The following TBXAS1 variants were observed in gnomAD, a reference collection of about 807,000 sequenced individuals.
TBXAS1 encodes thromboxane-A synthase.
A neutral mutation model predicts 60.7 loss-of-function variants in TBXAS1; 48 were observed. That is an observed-to-expected ratio of 0.79 (90% CI 0.63 to 1.01). TBXAS1 has a LOEUF of 1.01. Among genes scored for constraint, TBXAS1 ranks in the 50% least tolerant of loss-of-function variants. TBXAS1 has a pLI of 0.00. For synonymous variants in TBXAS1, 287 were observed against 269.7 expected (o/e 1.06, Z -0.63); for missense variants, 685 against 686.3 (o/e 1.00, Z 0.02).
chr7:140,007,628 A>G (rs867752479), intron 10 of TBXAS1, among the ~76,000 whole-genome samples: 8 of 152,128 alleles, frequency 5.3e-5, no homozygotes, highest in Non-Finnish European at 4.4e-5. Context: ...ACAGTAGGGG[A>G]CTGTCTGAGT....
intron 9 of TBXAS1, among the ~76,000 whole-genome samples, chr7:139,980,507 A>G (rs375918800): frequency 1.4e-4 from 22 of 152,298 alleles, no homozygotes; most frequent in East Asian, 5.8e-4. Context: ...TGGGATAACC[A>G]GAGACCAAGA....
intron 3 of TBXAS1, among the ~76,000 whole-genome samples, chr7:139,879,202 C>G (rs915033739): frequency 1.3e-5 from 2 of 152,190 alleles, no homozygotes; most frequent in Non-Finnish European, 2.9e-5. Flanking sequence ...CCACCACCAC[C>G]ATCACCACCA....
At chr7:139,818,859 G>A (rs928612425) in intron 4 of TBXAS1, among the ~76,000 whole-genome samples, 3 of 152,246 alleles carry the variant, frequency 2.0e-5, no homozygotes, top group Middle Eastern at 3.4e-3. Flanking sequence ...ATGTAGAGCA[G>A]ACCCCTGGTA....
intron 3 of TBXAS1, among the ~76,000 whole-genome samples, chr7:139,901,602 C>G (rs1804578604): frequency 6.6e-6 from 1 of 151,974 alleles, no homozygotes; most frequent in Admixed American, 6.5e-5. Context: ...AGATTGGGTC[C>G]ACAATCTGTC....
At chr7:139,935,250 A>G (rs1206647741) in intron 4 of TBXAS1, among the ~76,000 whole-genome samples, 1 of 152,250 alleles carries the variant, frequency 6.6e-6, no homozygotes, top group African/African-American at 2.4e-5. Context: ...ATGGCATAGT[A>G]TTTGCATATA....
intron 4 of TBXAS1, among the ~76,000 whole-genome samples, chr7:139,789,910 C>T (rs927022779): frequency 6.6e-6 from 1 of 152,106 alleles, no homozygotes; most frequent in South Asian, 2.1e-4. Context: ...GGATTACAGG[C>T]GTGAGCCACC....
chr7:139,814,848 T>C (rs1037147949), intron 4 of TBXAS1, among the ~76,000 whole-genome samples: 1 of 152,200 alleles, frequency 6.6e-6, no homozygotes, highest in Non-Finnish European at 1.5e-5. Context: ...CAACAGCTTC[T>C]GCATCCTTGG....
At chr7:139,940,925 A>C (rs1014093615) in intron 5 of TBXAS1, among the ~76,000 whole-genome samples, 4 of 152,208 alleles carry the variant, frequency 2.6e-5, no homozygotes, top group African/African-American at 9.7e-5. Flanking sequence ...TTCTATCAAG[A>C]AAAAATTAAA....
chr7:139,988,516 TCTG>T (rs1812665648), intron 9 of TBXAS1, among the ~76,000 whole-genome samples: 1 of 152,198 alleles, frequency 6.6e-6, no homozygotes, highest in African/African-American at 2.4e-5. Context: ...GCTCCTTGCT[TCTG>T]CATCTTGACT....
chr7:139,844,038 G>C (rs1799640965), intron 1 of TBXAS1, among the ~76,000 whole-genome samples: 1 of 152,200 alleles, frequency 6.6e-6, no homozygotes, highest in South Asian at 2.1e-4. Flanking sequence ...GGTGTGCTAT[G>C]GATAACATTC....
At chr7:139,824,749 T>C (rs574542748), upstream of TBXAS1, among the ~76,000 whole-genome samples, 1 of 152,118 alleles carries the variant, frequency 6.6e-6, no homozygotes, top group East Asian at 1.9e-4. Context: ...AGTTTGTCAG[T>C]GGGAGTTGGG....
intron 1 of TBXAS1, among the ~76,000 whole-genome samples, chr7:139,833,069 AAAC>A (rs1216241447): frequency 3.3e-5 from 5 of 152,294 alleles, no homozygotes; most frequent in Admixed American, 6.5e-5. Flanking sequence ...CAAAAGCAAA[AAAC>A]AACAACAACA....
chr7:139,968,747 CA>C (rs1432746770), intron 9 of TBXAS1, among the ~76,000 whole-genome samples: 1 of 152,226 alleles, frequency 6.6e-6, no homozygotes, highest in Non-Finnish European at 1.5e-5. Flanking sequence ...TCAAGTCCCC[CA>C]ATCTCTTGGA....
intron 9 of TBXAS1, among the ~76,000 whole-genome samples, chr7:139,978,497 G>A (rs1811716916): frequency 2.0e-5 from 3 of 150,722 alleles, no homozygotes; most frequent in Admixed American, 1.3e-4. Flanking sequence ...GTGACAGAGT[G>A]AGACTCTGTC....
chr7:139,952,801 C>T (rs1026329804), intron 5 of TBXAS1: 49 of 1,145,066 alleles, frequency 4.3e-5, no homozygotes, highest in East Asian at 8.0e-5. Context: ...TCCCAGTATT[C>T]GAAAGCTTAG....
chr7:139,890,028 A>G (rs1187183543), intron 3 of TBXAS1, among the ~76,000 whole-genome samples: 1 of 152,092 alleles, frequency 6.6e-6, no homozygotes, highest in African/African-American at 2.4e-5. Flanking sequence ...CCACCCTCCA[A>G]CAATCGAATG....
intron 6 of TBXAS1, 176 bp downstream of exon 6, chr7:139,953,632 G>A: frequency 1.6e-6 from 1 of 639,208 alleles, no homozygotes. Context: ...ACATGGGAAA[G>A]AGATGTGAGC....
chr7:140,011,657 C>T (rs77807590), intron 10 of TBXAS1, among the ~76,000 whole-genome samples: 7,632 of 152,056 alleles, frequency 0.05, 237 homozygotes, highest in African/African-American at 0.081. Context: ...AAGTAGAAGG[C>T]TGTCTGCCAG....
chr7:139,974,616 G>A (rs1423621846), intron 9 of TBXAS1, among the ~76,000 whole-genome samples: 3 of 152,194 alleles, frequency 2.0e-5, no homozygotes, highest in Non-Finnish European at 4.4e-5. Context: ...TAGTAACATT[G>A]TGTAGCTCAT....
Sources: gnomAD v4.1 joint callset for allele counts (sites outside exome capture counted in the v4.1 genomes callset) on GRCh38, gnomAD v4.1.1 for gene constraint, MANE v1.5 for transcripts, NCBI Gene and HGNC (gene_info 2026-07-23, HGNC 2026-07-21) for gene names.